The following CALN1 variants were observed in gnomAD, a reference collection of about 807,000 sequenced individuals.
CALN1 encodes calneuron 1.
CALN1 carries 17 observed loss-of-function variants against 30.6 expected under a neutral mutation model. The observed-to-expected ratio is 0.56, with a 90% CI of 0.38 to 0.83. The LOEUF (loss-of-function observed/expected upper bound fraction) is 0.83, where lower values mean the gene tolerates loss of function less well. CALN1 is among the 40% of genes least tolerant of loss of function. The pLI is 0.00. For synonymous variants in CALN1, 156 were observed against 131.4 expected, an observed-to-expected ratio of 1.19 and a Z score of -1.28; for missense variants, 291 against 354.9, an observed-to-expected ratio of 0.82 and a Z score of 1.45.
chr7:71,809,755 T>C (rs1787834262), intron 6 of CALN1, among the ~76,000 whole-genome samples: 1 of 152,128 alleles, frequency 6.6e-6, no homozygotes, highest in African/African-American at 2.4e-5. Flanking sequence ...GGGTCTCTTT[T>C]TTGGCCTCCA....
chr7:72,381,751 G>A (rs1030651811), intron 2 of CALN1, among the ~76,000 whole-genome samples: 8 of 152,312 alleles, frequency 5.3e-5, no homozygotes, highest in African/African-American at 1.9e-4. Flanking sequence ...CCTAATGCAT[G>A]CAGGGCTTAA....
chr7:71,895,793 G>A (rs778482522), intron 5 of CALN1, among the ~76,000 whole-genome samples: 6 of 152,268 alleles, frequency 3.9e-5, no homozygotes, highest in South Asian at 4.2e-4. Flanking sequence ...ATTAGAGTTC[G>A]TGCTTGACTC....
At chr7:71,865,562 TC>T (rs1791538042) in intron 5 of CALN1, among the ~76,000 whole-genome samples, 1 of 152,226 alleles carries the variant, frequency 6.6e-6, no homozygotes, top group African/African-American at 2.4e-5. Flanking sequence ...ATCTGGTTCT[TC>T]CCTGCCTCGT....
intron 3 of CALN1, among the ~76,000 whole-genome samples, chr7:72,181,294 G>A (rs962716678): frequency 1.0e-4 from 15 of 149,132 alleles, no homozygotes; most frequent in African/African-American, 3.2e-4. Flanking sequence ...TATAAAATAT[G>A]TAAAATGTTT....
intron 3 of CALN1, among the ~76,000 whole-genome samples, chr7:72,237,304 C>T (rs1487391229): frequency 3.3e-5 from 5 of 152,050 alleles, no homozygotes; most frequent in East Asian, 3.9e-4. Context: ...CTTATTATAC[C>T]GGTAAGGGAA....
chr7:72,306,962 A>G (rs1459732629), intron 2 of CALN1, among the ~76,000 whole-genome samples: 1 of 152,164 alleles, frequency 6.6e-6, no homozygotes, highest in Non-Finnish European at 1.5e-5. Flanking sequence ...CATCACACGG[A>G]AGAGAGGAAG....
intron 2 of CALN1, among the ~76,000 whole-genome samples, chr7:72,341,431 A>C (rs1478547829): frequency 7.2e-5 from 11 of 152,188 alleles, no homozygotes; most frequent in African/African-American, 2.7e-4. Flanking sequence ...GCTGAGGCAC[A>C]AGAATCGCTT....
intron 2 of CALN1, among the ~76,000 whole-genome samples, chr7:72,291,156 C>G (rs747280079): frequency 6.6e-6 from 1 of 152,148 alleles, no homozygotes; most frequent in Non-Finnish European, 1.5e-5. Context: ...ACTCCTGCCT[C>G]AAGTGATCTG....
chr7:72,116,919 A>G (rs1462923796), intron 3 of CALN1, among the ~76,000 whole-genome samples: 1 of 152,220 alleles, frequency 6.6e-6, no homozygotes, highest in Admixed American at 6.5e-5. Flanking sequence ...TTAGGGAGAT[A>G]GGAATTATAA....
At chr7:72,104,687 G>A (rs751663561) in intron 4 of CALN1, among the ~76,000 whole-genome samples, 6 of 152,116 alleles carry the variant, frequency 3.9e-5, no homozygotes, top group Non-Finnish European at 7.3e-5. Flanking sequence ...GGCCGGGCGC[G>A]CTGGCTCACA....
intron 5 of CALN1, among the ~76,000 whole-genome samples, chr7:71,887,453 G>A (rs1036536411): frequency 1.1e-4 from 16 of 152,036 alleles, no homozygotes; most frequent in East Asian, 5.8e-4. Flanking sequence ...GCGTCACCAC[G>A]CCTGGCTAAT....
the CALN1 span, among the ~76,000 whole-genome samples, chr7:72,475,877 G>A: frequency 4.0e-4 from 60 of 150,820 alleles, 1 homozygote; most frequent in African/African-American, 1.0e-3. Flanking sequence ...TAAGTCTCAC[G>A]AGATCTGATG....
At chr7:72,398,078 G>A (rs371462246) in intron 2 of CALN1, among the ~76,000 whole-genome samples, 2 of 152,104 alleles carry the variant, frequency 1.3e-5, no homozygotes, top group African/African-American at 2.4e-5. Context: ...GGAAGCCCTT[G>A]GACACCTGTT....
At chr7:72,436,361 G>T (rs1254913959) in intron 1 of CALN1, among the ~76,000 whole-genome samples, 1 of 152,206 alleles carries the variant, frequency 6.6e-6, no homozygotes, top group Non-Finnish European at 1.5e-5. Context: ...ATTCTCTCTT[G>T]TCTGCTACCA....
intron 4 of CALN1, among the ~76,000 whole-genome samples, chr7:72,030,704 C>T (rs1005007987): frequency 6.6e-5 from 10 of 152,128 alleles, no homozygotes; most frequent in African/African-American, 2.4e-4. Context: ...ATTTACTGGG[C>T]ACGCACAACG....
intron 3 of CALN1, among the ~76,000 whole-genome samples, chr7:72,277,467 C>A (rs534528596): frequency 5.4e-4 from 83 of 152,308 alleles, no homozygotes; most frequent in African/African-American, 1.9e-3. Context: ...CCACAGTGAG[C>A]AGCCGCTATC....
chr7:72,065,723 C>A (rs963248279), intron 4 of CALN1, among the ~76,000 whole-genome samples: 8 of 152,010 alleles, frequency 5.3e-5, no homozygotes, highest in Admixed American at 4.6e-4. Flanking sequence ...GAAACCCCAT[C>A]TCCACTAAAA....
At chr7:72,451,185 G>GAGGAGAAGAAGAAGAAGA (rs1808648905), upstream of CALN1, among the ~76,000 whole-genome samples, 1 of 126,884 alleles carries the variant, frequency 7.9e-6, no homozygotes, top group African/African-American at 4.1e-5. Context: ...GGAGCAGGAG[G>GAGGAGAAGAAGAAGAAGA]AGGAGAAGAA....
chr7:72,320,673 A>G (rs966014932), intron 2 of CALN1, among the ~76,000 whole-genome samples: 4 of 151,966 alleles, frequency 2.6e-5, no homozygotes, highest in Non-Finnish European at 5.9e-5. Flanking sequence ...CATCTCTACT[A>G]AAAATACAAA....
Sources: gnomAD v4.1 joint callset for allele counts (sites outside exome capture counted in the v4.1 genomes callset) on GRCh38, gnomAD v4.1.1 for gene constraint, MANE v1.5 for transcripts, NCBI Gene and HGNC (gene_info 2026-07-23, HGNC 2026-07-21) for gene names.